Variants in TBCA observed in about 807,000 individuals in gnomAD.
TBCA encodes tubulin-specific chaperone A.
TBCA carries 6 observed loss-of-function variants against 15.8 expected under a neutral mutation model. That is an observed-to-expected ratio of 0.38 (90% confidence interval 0.21 to 0.75). The LOEUF is 0.75. TBCA is among the 30% of genes least tolerant of loss of function. TBCA has a pLI of 0.46. For missense variants in TBCA, 90 were observed against 131.2 expected, an observed-to-expected ratio of 0.69 and a Z score of 1.53; for synonymous variants, 32 against 42.3, an observed-to-expected ratio of 0.76 and a Z score of 0.94.
At chr5:77,767,548 C>G (rs919407655) in intron 1 of TBCA, among the ~76,000 whole-genome samples, 4 of 152,192 alleles carry the variant, frequency 2.6e-5, no homozygotes, top group African/African-American at 9.6e-5. Flanking sequence ...CAAAACTGGC[C>G]TTGCCACATT....
intron 1 of TBCA, among the ~76,000 whole-genome samples, chr5:77,771,123 AAAAAAT>A (rs1253049782): frequency 6.6e-6 from 1 of 152,132 alleles, no homozygotes; most frequent in Non-Finnish European, 1.5e-5. Context: ...TCTGACTCTG[AAAAAAT>A]AAAAATAAAA....
chr5:77,701,643 G>A (rs1488576039), intron 2 of TBCA, among the ~76,000 whole-genome samples: 10 of 138,092 alleles, frequency 7.2e-5, no homozygotes, highest in Non-Finnish European at 1.2e-4. Flanking sequence ...GAACCAACCC[G>A]AATGTCCATC....
chr5:77,765,931 GAATA>G (rs1482175453), intron 1 of TBCA, among the ~76,000 whole-genome samples: 2 of 146,912 alleles, frequency 1.4e-5, no homozygotes, highest in African/African-American at 2.5e-5. Context: ...ATTAAAATGA[GAATA>G]AAAACATACA....
intron 2 of TBCA, among the ~76,000 whole-genome samples, chr5:77,704,582 CA>C (rs1446754638): frequency 1.3e-5 from 2 of 152,016 alleles, no homozygotes; most frequent in African/African-American, 4.8e-5. Context: ...CTATGAAAGG[CA>C]CAATAAATGT....
intron 2 of TBCA, among the ~76,000 whole-genome samples, chr5:77,703,839 T>C (rs192356178): frequency 4.4e-4 from 67 of 152,310 alleles, no homozygotes; most frequent in Admixed American, 3.9e-3. Context: ...AATCTCATCT[T>C]GAATTGTAAT....
chr5:77,757,722 T>C (rs1470798397), intron 1 of TBCA, among the ~76,000 whole-genome samples: 2 of 152,214 alleles, frequency 1.3e-5, no homozygotes, highest in African/African-American at 4.8e-5. Context: ...GAATTCAAAA[T>C]ATCTGAGACC....
intron 1 of TBCA, among the ~76,000 whole-genome samples, chr5:77,717,495 G>A (rs1746423915): frequency 6.6e-6 from 1 of 152,024 alleles, no homozygotes; most frequent in Non-Finnish European, 1.5e-5. Context: ...TATAAATTTT[G>A]TGTAAAAGTC....
intron 1 of TBCA, among the ~76,000 whole-genome samples, chr5:77,714,062 G>A (rs1746341948): frequency 6.6e-6 from 1 of 151,200 alleles, no homozygotes; most frequent in African/African-American, 2.4e-5. Flanking sequence ...CTCAACGCCT[G>A]TAATCCCAGC....
At chr5:77,694,524 A>G (rs544223839) in intron 2 of TBCA, among the ~76,000 whole-genome samples, 2 of 152,342 alleles carry the variant, frequency 1.3e-5, no homozygotes, top group East Asian at 3.9e-4. Flanking sequence ...AATGCCACAT[A>G]TTGGACTTCA....
At chr5:77,699,448 A>G (rs1419394405) in intron 2 of TBCA, among the ~76,000 whole-genome samples, 1 of 152,214 alleles carries the variant, frequency 6.6e-6, no homozygotes, top group Admixed American at 6.5e-5. Context: ...ATGTCCAACT[A>G]TTTTTGACAA....
At chr5:77,717,855 G>T (rs574352501) in intron 1 of TBCA, among the ~76,000 whole-genome samples, 1 of 142,362 alleles carries the variant, frequency 7.0e-6, no homozygotes, top group African/African-American at 2.6e-5. Context: ...AAAGGCCGGG[G>T]GCAGTGGCTT....
At chr5:77,718,320 T>A (rs1178881344) in intron 1 of TBCA, among the ~76,000 whole-genome samples, 1 of 152,050 alleles carries the variant, frequency 6.6e-6, no homozygotes, top group Non-Finnish European at 1.5e-5. Context: ...TAATGGAGAG[T>A]GGGAATTAAG....
At chr5:77,758,989 G>T (rs955416090) in intron 1 of TBCA, among the ~76,000 whole-genome samples, 1 of 151,448 alleles carries the variant, frequency 6.6e-6, no homozygotes, top group Non-Finnish European at 1.5e-5. Flanking sequence ...ACCAACTGCC[G>T]ATTATCATTT....
intron 1 of TBCA, among the ~76,000 whole-genome samples, chr5:77,754,927 T>G (rs531282013): frequency 2.6e-5 from 4 of 152,366 alleles, no homozygotes; most frequent in African/African-American, 9.6e-5. Context: ...TATTTGGGAT[T>G]ATTATTTAAT....
intron 1 of TBCA, among the ~76,000 whole-genome samples, chr5:77,763,248 A>T (rs1268975353): frequency 8.5e-5 from 13 of 152,218 alleles, no homozygotes; most frequent in South Asian, 8.3e-4. Context: ...CGTCTCAAAA[A>T]AAATAAATAA....
At chr5:77,720,733 A>T (rs1446910692) in intron 1 of TBCA, among the ~76,000 whole-genome samples, 1 of 152,150 alleles carries the variant, frequency 6.6e-6, no homozygotes. Flanking sequence ...AAAAAATTAA[A>T]AAGCGAAGTC....
chr5:77,760,899 G>A (rs373811229), intron 1 of TBCA, among the ~76,000 whole-genome samples: 114 of 152,018 alleles, frequency 7.5e-4, no homozygotes, highest in African/African-American at 2.6e-3. Context: ...GGGATGTGAG[G>A]AGCCCCTCTG....
intron 1 of TBCA, among the ~76,000 whole-genome samples, chr5:77,722,787 A>C (rs1269988807): frequency 6.6e-6 from 1 of 151,920 alleles, no homozygotes; most frequent in East Asian, 1.9e-4. Flanking sequence ...GTAGTTCTAC[A>C]CAACATTAAA....
At chr5:77,744,690 T>C (rs1747139971) in intron 1 of TBCA, among the ~76,000 whole-genome samples, 2 of 151,728 alleles carry the variant, frequency 1.3e-5, no homozygotes, top group Admixed American at 1.3e-4. Context: ...CATCCACCAC[T>C]ATGCACGGCT....
Sources: gnomAD v4.1 joint callset for allele counts (sites outside exome capture counted in the v4.1 genomes callset) on GRCh38, gnomAD v4.1.1 for gene constraint, MANE v1.5 for transcripts, NCBI Gene and HGNC (gene_info 2026-07-23, HGNC 2026-07-21) for gene names.